Variants in ADGRG7 observed in about 807,000 individuals in gnomAD.
ADGRG7 encodes the protein G-protein coupled receptor 128.
Under a neutral mutation model 88.6 loss-of-function variants are expected in ADGRG7, and 82 were observed. The observed-to-expected ratio is 0.93, with a 90% CI of 0.77 to 1.11. ADGRG7 has a LOEUF of 1.11. Among genes scored for constraint, ADGRG7 ranks in the 50% most tolerant of loss-of-function variants. The pLI, the probability that ADGRG7 is intolerant of heterozygous loss-of-function variation, is 0.00. For synonymous variants in ADGRG7, 381 were observed against 345.2 expected, an observed-to-expected ratio of 1.10 and a Z score of -1.15; for missense variants, 945 against 953.4, an observed-to-expected ratio of 0.99 and a Z score of 0.12.
Position 100,646,066 on chromosome 3 carries a change from G to T in ADGRG7, c.1068G>T (p.Glu356Asp). 1 of 1,614,006 alleles carries T rather than the reference G, an allele frequency of 6.2e-7. No homozygotes were observed. Among genetic ancestry groups the T allele is most frequent in the Non-Finnish European group, 8.5e-7 (1 of 1,179,988 alleles). ...KIISSKTDEN[E>D]QDQSASVDMV... Reference sequence around the variant, plus strand: ...TCTCAAGCAAAACTGATGAAAATGAGCAAGATCAGAGTGCTTCTGTTGACA... The same window carrying T: ...TCTCAAGCAAAACTGATGAAAATGATCAAGATCAGAGTGCTTCTGTTGACA... Residue 356 changes from glutamate (E) to aspartate (D), a missense_variant, in exon 9 of 16, where the codon GAG becomes GAT. Glu to Asp is a conservative substitution (Grantham distance 45, BLOSUM62 2). Transcript: ENST00000273352.
At chr3:100,687,971 C>G (rs544576710) in intron 15 of ADGRG7, among the ~76,000 whole-genome samples, 219 of 152,200 alleles carry the variant, frequency 1.4e-3, no homozygotes, top group South Asian at 3.7e-3. Flanking sequence ...CCTCCTTGTA[C>G]CTCTGGTAGA....
chr3:100,616,377 A>G (rs1337162981), intron 1 of ADGRG7, among the ~76,000 whole-genome samples: 4 of 152,232 alleles, frequency 2.6e-5, no homozygotes, highest in Non-Finnish European at 2.9e-5. Flanking sequence ...TTAAGCCTTT[A>G]AAATACAGGA....
At chr3:100,615,837 C>T (rs1707217266) in intron 1 of ADGRG7, among the ~76,000 whole-genome samples, 1 of 152,100 alleles carries the variant, frequency 6.6e-6, no homozygotes, top group South Asian at 2.1e-4. Flanking sequence ...TTCAGGGGGA[C>T]AGGAGGCATG....
At chr3:100,643,450 GCTA>G in intron 7 of ADGRG7, 45 bp downstream of exon 7, 1 of 1,611,192 alleles carries the variant, frequency 6.2e-7, no homozygotes, top group Non-Finnish European at 8.5e-7. Flanking sequence ...AGAGCATTCT[GCTA>G]CTGATGATGA....
At chr3:100,618,237 A>T (rs889127190) in intron 1 of ADGRG7, among the ~76,000 whole-genome samples, 24 of 151,974 alleles carry the variant, frequency 1.6e-4, no homozygotes, top group Non-Finnish European at 3.2e-4. Context: ...CCCATTTGTC[A>T]ATTTTGGCTT....
intron 15 of ADGRG7, among the ~76,000 whole-genome samples, chr3:100,690,278 AT>A (rs1336514823): frequency 1.3e-5 from 2 of 151,564 alleles, no homozygotes; most frequent in Non-Finnish European, 2.9e-5. Context: ...CATTTGTCTA[AT>A]TTTTTTTCAA....
chr3:100,618,226 T>A (rs1436358102), intron 1 of ADGRG7, among the ~76,000 whole-genome samples: 1 of 152,312 alleles, frequency 6.6e-6, no homozygotes, highest in Non-Finnish European at 1.5e-5. Flanking sequence ...TTTAATTAGA[T>A]CCCATTTGTC....
At chr3:100,642,312 A>G (rs1222320130) in intron 6 of ADGRG7, among the ~76,000 whole-genome samples, 1 of 152,234 alleles carries the variant, frequency 6.6e-6, no homozygotes, top group African/African-American at 2.4e-5. Flanking sequence ...TGAATTGCTG[A>G]AAATGGTTTT....
At chr3:100,646,316 A>G (rs1242896686) in intron 9 of ADGRG7, 8 of 604,002 alleles carry the variant, frequency 1.3e-5, no homozygotes, top group Non-Finnish European at 2.3e-5. Context: ...CTATAGCAAA[A>G]CTCTTCAAAA....
At chr3:100,653,708 C>T (rs1325874101) in intron 11 of ADGRG7, among the ~76,000 whole-genome samples, 1 of 152,136 alleles carries the variant, frequency 6.6e-6, no homozygotes, top group Non-Finnish European at 1.5e-5. Context: ...GCGGCTGGGC[C>T]AGAGTCATCT....
intron 15 of ADGRG7, among the ~76,000 whole-genome samples, chr3:100,688,200 A>G (rs1302494444): frequency 6.6e-6 from 1 of 152,022 alleles, no homozygotes; most frequent in African/African-American, 2.4e-5. Flanking sequence ...GCTAGTTTGT[A>G]TTTCTGTGGG....
chr3:100,653,349 TA>T, intron 11 of ADGRG7, among the ~76,000 whole-genome samples: 1 of 152,206 alleles, frequency 6.6e-6, no homozygotes, highest in East Asian at 1.9e-4. Context: ...GGGAAATTAT[TA>T]AAAAATTGTA....
At chr3:100,686,715 G>C (rs2094983361) in intron 15 of ADGRG7, among the ~76,000 whole-genome samples, 1 of 152,142 alleles carries the variant, frequency 6.6e-6, no homozygotes, top group African/African-American at 2.4e-5. Context: ...TGAAGGCTCT[G>C]TTCTGTTCCA....
intron 1 of ADGRG7, 62 bp from the exon 2 acceptor site, chr3:100,629,536 G>A (rs1159316612): frequency 8.7e-7 from 1 of 1,143,206 alleles, no homozygotes; most frequent in South Asian, 1.3e-5. Context: ...AGTGGCCACA[G>A]GCATGAAAGG....
chr3:100,622,078 T>C lies in ADGRG7; in HGVS notation c.116-7520T>C, dbSNP rs576971936. Among the ~76,000 whole-genome samples, 5 of 152,252 alleles carry C rather than the reference T, an allele frequency of 3.3e-5. No individual in the cohort carries two copies. The South Asian group carries it at 1.0e-3, about 32-fold the overall frequency. On this transcript the variant is annotated intron_variant, in intron 1 of 15. Coordinates refer to ENST00000273352, the MANE Select transcript of ADGRG7 (RefSeq NM_032787.3). ...CTGCTGATCTGACAGGAGGCTAAGC[T>C]CAGGAGATAACACTCACTCGCCCAT...
chr3:100,630,787 A>G lies in ADGRG7; in HGVS notation c.312A>G (p.Thr104=), dbSNP rs893948240. The G allele has an allele frequency of 4.7e-6, 7 of 1,484,834 alleles. No individual in the cohort carries two copies. The highest frequency in any genetic ancestry group is 1.5e-5 in the South Asian group (1 of 66,922). The allele number at this position is 1,484,834 out of a possible 1,614,324, so 92.0% of individuals were successfully genotyped here. ...PVGRYGPSLQ[T]CGKDTPNAGN... ...GCAGATATGGACCATCCTTGCAAAC[A>G]TGTGGCAAGGATACTCCAAATGGTA... The change falls in exon 3 of 16, where the codon ACA becomes ACG. Residue 104 remains threonine, a synonymous_variant. Coordinates refer to ENST00000273352, the MANE Select transcript of ADGRG7 (RefSeq NM_032787.3).
intron 6 of ADGRG7, among the ~76,000 whole-genome samples, chr3:100,639,845 A>C (rs894020057): frequency 6.6e-6 from 1 of 152,254 alleles, no homozygotes; most frequent in African/African-American, 2.4e-5. Flanking sequence ...TGTGATTTTT[A>C]CACAATATCC....
chr3:100,633,173 A>G, intron 3 of ADGRG7, 92 bp from the exon 4 acceptor site: 1 of 546,806 alleles, frequency 1.8e-6, no homozygotes, highest in Non-Finnish European at 2.8e-6. Context: ...AATAAATTAT[A>G]ACTTTTAATA....
chr3:100,628,934 C>T (rs542424156), intron 1 of ADGRG7, among the ~76,000 whole-genome samples: 1 of 152,214 alleles, frequency 6.6e-6, no homozygotes, highest in Admixed American at 6.5e-5. Context: ...TGTTTTATGA[C>T]CCCTCTAAGG....
Sources: gnomAD v4.1 joint callset for allele counts (sites outside exome capture counted in the v4.1 genomes callset) on GRCh38, gnomAD v4.1.1 for gene constraint, MANE v1.5 for transcripts, NCBI Gene and HGNC (gene_info 2026-07-23, HGNC 2026-07-21) for gene names.